TDRD10: variants seen among roughly 807,000 people sequenced by gnomAD.
TDRD10 encodes the protein tudor domain-containing protein 10.
Under a neutral mutation model 48.0 loss-of-function variants are expected in TDRD10, and 40 were observed. The observed-to-expected ratio is 0.83, with a 90% CI of 0.65 to 1.09. The LOEUF (loss-of-function observed/expected upper bound fraction) is 1.09. TDRD10 is among the 50% of genes least tolerant of loss of function. The probability of loss-of-function intolerance (pLI) is 0.00; values close to 1 mark genes in which losing one functional copy is unlikely to be tolerated. For synonymous variants in TDRD10, 162 were observed against 170.4 expected (o/e 0.95, Z 0.38); for missense variants, 378 against 434.7 (o/e 0.87, Z 1.16).
Position 154,521,448 on chromosome 1 carries a change from CT to C in TDRD10, c.339del (p.Asp114IlefsTer2), listed in dbSNP as rs1404734965. 1.2e-6 allele frequency: 2 copies of C among 1,614,098 alleles called. No individual in the cohort carries two copies. Among genetic ancestry groups the C allele is most frequent in the Admixed American group, 1.7e-5 (1 of 60,024 alleles). Reference sequence around the variant, plus strand: ...AGCAAAAGGCCCCCCAAGAGGACCCCTGATATGATCCAGCAGCCTCGGGCCC... The same window carrying C: ...AGCAAAAGGCCCCCCAAGAGGACCCCGATATGATCCAGCAGCCTCGGGCCC... ...NTSKRPPKRT[P>X]DMIQQPRAPL... is the part of the protein sequence containing the mutation. On this transcript the variant is annotated frameshift_variant, in exon 6 of 13. Coordinates refer to ENST00000368482, the MANE Select transcript of TDRD10 (RefSeq NM_182499.4). LOFTEE classifies it high-confidence loss of function.
intron 6 of TDRD10, among the ~76,000 whole-genome samples, chr1:154,527,450 C>T (rs6697103): frequency 0.79 from 119,492 of 152,110 alleles, 47,651 homozygotes; most frequent in East Asian, 0.92. Flanking sequence ...AACTGTGAAA[C>T]TGTATCCCTA....
At chr1:154,507,470 T>C (rs1245419162) in intron 3 of TDRD10, 150 bp downstream of exon 3, 1 of 963,828 alleles carries the variant, frequency 1.0e-6, no homozygotes, top group African/African-American at 1.6e-5. Context: ...CCACCATGTT[T>C]CCTGTCTCAT....
intron 6 of TDRD10, among the ~76,000 whole-genome samples, chr1:154,525,732 A>G (rs553195326): frequency 2.0e-4 from 31 of 152,008 alleles, no homozygotes; most frequent in African/African-American, 7.5e-4. Flanking sequence ...CATCTCTACT[A>G]AAAAATACAA....
At chr1:154,509,072 TATTGA>T (rs1298196142) in intron 4 of TDRD10, among the ~76,000 whole-genome samples, 1 of 150,954 alleles carries the variant, frequency 6.6e-6, no homozygotes, top group African/African-American at 2.4e-5. Flanking sequence ...AAGTGTGATC[TATTGA>T]ATTGAAGCAC....
At chr1:154,514,003 A>G (rs1693619173) in intron 4 of TDRD10, among the ~76,000 whole-genome samples, 1 of 152,224 alleles carries the variant, frequency 6.6e-6, no homozygotes, top group Admixed American at 6.5e-5. Context: ...CACCCTGGCC[A>G]GTGTGGTGAA....
At chr1:154,511,718 C>T (rs567952590) in intron 4 of TDRD10, among the ~76,000 whole-genome samples, 2 of 151,814 alleles carry the variant, frequency 1.3e-5, no homozygotes, top group Non-Finnish European at 2.9e-5. Flanking sequence ...AGTGGTGGTG[C>T]GTGCCTGTAG....
chr1:154,547,240 A>G (rs1032953636), intron 11 of TDRD10, among the ~76,000 whole-genome samples, 169 bp from the exon 12 acceptor site: 5 of 152,002 alleles, frequency 3.3e-5, no homozygotes, highest in African/African-American at 1.2e-4. Context: ...TTATCATCTC[A>G]TTTGATCCTG....
At chr1:154,527,608 GATA>G (rs1373879954) in intron 6 of TDRD10, among the ~76,000 whole-genome samples, 6 of 152,042 alleles carry the variant, frequency 3.9e-5, no homozygotes, top group Non-Finnish European at 7.4e-5. Context: ...TATGATCTCA[GATA>G]GAATGAGATT....
intron 3 of TDRD10, 45 bp from the exon 4 acceptor site, chr1:154,508,378 C>G (rs765378573): frequency 7.5e-7 from 1 of 1,336,208 alleles, no homozygotes; most frequent in Non-Finnish European, 1.1e-6. Flanking sequence ...TCTGAATCCT[C>G]TAACCGTATG....
At chr1:154,538,580 G>C (rs1183869718) in intron 6 of TDRD10, among the ~76,000 whole-genome samples, 4 of 132,020 alleles carry the variant, frequency 3.0e-5, no homozygotes, top group Admixed American at 1.6e-4. Context: ...AAGGCCAGGC[G>C]CGGTGGCTCA....
chr1:154,508,295 G>C, intron 3 of TDRD10, 128 bp from the exon 4 acceptor site: 1 of 694,016 alleles, frequency 1.4e-6, no homozygotes, highest in East Asian at 2.5e-5. Context: ...TAGGAGGATT[G>C]CTTGAGCCCA....
chr1:154,544,185 G>T, intron 9 of TDRD10, 75 bp downstream of exon 9: 1 of 1,604,410 alleles, frequency 6.2e-7, no homozygotes, highest in Non-Finnish European at 8.5e-7. Flanking sequence ...CATGGTGACG[G>T]GGCCGGTCAG....
In TDRD10 at chr1:154,506,860, G is replaced by A. The variant is rs2149310120; in HGVS notation, c.-27-17G>A. 1 of 1,608,694 alleles carries A rather than the reference G, an allele frequency of 6.2e-7. No individual in the cohort carries two copies. The highest frequency in any genetic ancestry group is 2.2e-5 in the East Asian group (1 of 44,868). ...CTATCCTGGCATTCCTCTAACTGTG[G>A]CCGGTTGGTTTTGTAGGAGATCCTG... is the stretch of plus-strand genomic sequence containing the variant. On this transcript the variant is annotated splice_polypyrimidine_tract_variant and intron_variant, in intron 1 of 12. Transcript: ENST00000368482.
chr1:154,542,136 C>A (rs910574949), intron 7 of TDRD10, 70 bp downstream of exon 7: 9 of 1,505,882 alleles, frequency 6.0e-6, no homozygotes, highest in Admixed American at 5.2e-5. Context: ...CTTCCAGCCC[C>A]TTCTGCAGCC....
rs1437569845 is a variant in TDRD10 at position 154,547,767 on chromosome 1, G to A, written c.*57G>A. On this transcript the variant is annotated 3_prime_UTR_variant, in exon 13 of 13. Transcript: ENST00000368482. The stretch of plus-strand genomic sequence containing the variant: ...TTTGCCACGGATCCAGAGGCCACCT[G>A]CCCTGTCTTCTCGTACCCCTTTCAC... The A allele has an allele frequency of 6.2e-7, 1 of 1,603,078 alleles. No homozygotes were observed. Among genetic ancestry groups the A allele is most frequent in the Middle Eastern group, 2.2e-4 (1 of 4,552 alleles).
intron 4 of TDRD10, among the ~76,000 whole-genome samples, chr1:154,514,214 C>G (rs1419453602): frequency 6.6e-6 from 1 of 152,020 alleles, no homozygotes; most frequent in Admixed American, 6.6e-5. Flanking sequence ...ATAGAAGAGA[C>G]TTAGAAATGA....
chr1:154,520,387 C>T lies in TDRD10; in HGVS notation c.212+13C>T. The T allele has an allele frequency of 6.2e-7, 1 of 1,608,816 alleles. No homozygotes were observed. On this transcript the variant is annotated intron_variant, in intron 5 of 12. Coordinates refer to ENST00000368482, the MANE Select transcript of TDRD10 (RefSeq NM_182499.4). ...ATGGCTGCAAATGGTAATGACTGTT[C>T]TTTCTTTGTTTTCTTTGGGAAGCAG...
Position 154,518,835 on chromosome 1 carries a change from CA to C in TDRD10, c.142-1462del, listed in dbSNP as rs1205223051. Among the ~76,000 whole-genome samples, 8 of 152,066 alleles carry C rather than the reference CA, an allele frequency of 5.3e-5. No homozygotes were observed. In the East Asian group the frequency reaches 7.7e-4, roughly 15 times the overall value. ...CTGTGTTCCAATAAAACTTTATTTACAAAAAAAGGTGGTGGACTGGATTTGG... is the reference window on the plus strand; with the variant it reads ...CTGTGTTCCAATAAAACTTTATTTACAAAAAAGGTGGTGGACTGGATTTGG... On this transcript the variant is annotated intron_variant, in intron 4 of 12. Transcript: ENST00000368482.
chr1:154,533,180 C>T (rs1694738299), intron 6 of TDRD10, among the ~76,000 whole-genome samples: 1 of 152,060 alleles, frequency 6.6e-6, no homozygotes, highest in Admixed American at 6.6e-5. Flanking sequence ...TCATCCCAGC[C>T]CCATGAGGGC....
Sources: gnomAD v4.1 joint callset for allele counts (sites outside exome capture counted in the v4.1 genomes callset) on GRCh38, gnomAD v4.1.1 for gene constraint, MANE v1.5 for transcripts, NCBI Gene and HGNC (gene_info 2026-07-23, HGNC 2026-07-21) for gene names.